Variants in RIT2 observed in about 807,000 individuals in gnomAD.
The protein encoded by RIT2 is GTP-binding protein Rit2.
RIT2 carries 24 observed loss-of-function variants against 23.7 expected under a neutral mutation model. That is an observed-to-expected ratio of 1.01 (90% CI 0.73 to 1.43). RIT2 has a LOEUF of 1.43. RIT2 is among the 40% of genes most tolerant of loss of function. The pLI, the probability that RIT2 is intolerant of heterozygous loss-of-function variation, is 0.00. For synonymous variants in RIT2, 107 were observed against 91.1 expected, an observed-to-expected ratio of 1.17 and a Z score of -0.99; for missense variants, 236 against 266.9, an observed-to-expected ratio of 0.88 and a Z score of 0.81.
At chr18:43,069,363 G>A (rs573382576) in intron 1 of RIT2, among the ~76,000 whole-genome samples, 54 of 152,128 alleles carry the variant, frequency 3.5e-4, no homozygotes, top group African/African-American at 1.3e-3. Context: ...CTGTGGACTC[G>A]CTCTGAATTC....
At chr18:43,066,831 G>A (rs1369630903) in intron 1 of RIT2, among the ~76,000 whole-genome samples, 1 of 151,746 alleles carries the variant, frequency 6.6e-6, no homozygotes, top group Non-Finnish European at 1.5e-5. Flanking sequence ...AGAAAGGACA[G>A]CATGGATCAA....
At chr18:43,098,732 A>G (rs1598783500) in intron 1 of RIT2, among the ~76,000 whole-genome samples, 1 of 152,154 alleles carries the variant, frequency 6.6e-6, no homozygotes, top group Non-Finnish European at 1.5e-5. Context: ...TTGGAAGGCC[A>G]CTGTACTATC....
chr18:42,826,700 G>T (rs1214000282), intron 4 of RIT2, among the ~76,000 whole-genome samples: 1 of 152,060 alleles, frequency 6.6e-6, no homozygotes, highest in Non-Finnish European at 1.5e-5. Flanking sequence ...CTGACAATTT[G>T]ATATCTACAT....
intron 4 of RIT2, among the ~76,000 whole-genome samples, chr18:42,784,921 G>A (rs1037903274): frequency 2.0e-5 from 3 of 151,872 alleles, no homozygotes; most frequent in African/African-American, 7.3e-5. Flanking sequence ...ATTGATCAAA[G>A]GTAAGGGATT....
At chr18:42,875,275 C>G (rs1907715572) in intron 4 of RIT2, among the ~76,000 whole-genome samples, 1 of 151,500 alleles carries the variant, frequency 6.6e-6, no homozygotes, top group South Asian at 2.1e-4. Context: ...TGACTTTACC[C>G]CTCGGGCAAG....
intron 4 of RIT2, among the ~76,000 whole-genome samples, chr18:42,866,238 G>A (rs1907466499): frequency 2.0e-5 from 3 of 152,084 alleles, no homozygotes; most frequent in Non-Finnish European, 4.4e-5. Flanking sequence ...TAATGCACAT[G>A]TCTTGTTATC....
intron 4 of RIT2, among the ~76,000 whole-genome samples, chr18:42,875,434 T>G (rs574094094): frequency 1.4e-4 from 21 of 151,994 alleles, no homozygotes; most frequent in Admixed American, 5.3e-4. Context: ...CATATTGTAA[T>G]GTACTAGTAA....
intron 4 of RIT2, among the ~76,000 whole-genome samples, chr18:42,786,541 T>C (rs1171166015): frequency 6.6e-6 from 1 of 152,206 alleles, no homozygotes; most frequent in Admixed American, 6.5e-5. Flanking sequence ...TATACTTACT[T>C]AAATGGCTTT....
intron 3 of RIT2, among the ~76,000 whole-genome samples, chr18:42,924,708 G>A (rs932091869): frequency 6.6e-6 from 1 of 151,940 alleles, no homozygotes; most frequent in African/African-American, 2.4e-5. Context: ...AATTTTAGGT[G>A]GGTTTTAACT....
intron 4 of RIT2, among the ~76,000 whole-genome samples, chr18:42,922,551 G>A (rs1909079283): frequency 6.6e-6 from 1 of 152,112 alleles, no homozygotes; most frequent in South Asian, 2.1e-4. Context: ...TACAATGTGA[G>A]TCATGGGAAT....
At chr18:42,825,101 T>C (rs1333626098) in intron 4 of RIT2, among the ~76,000 whole-genome samples, 2 of 151,938 alleles carry the variant, frequency 1.3e-5, no homozygotes, top group African/African-American at 4.8e-5. Flanking sequence ...GTCAAACTTA[T>C]GTTATTTAAT....
chr18:42,901,248 T>A (rs116539945), intron 4 of RIT2, among the ~76,000 whole-genome samples: 267 of 152,162 alleles, frequency 1.8e-3, no homozygotes, highest in African/African-American at 6.0e-3. Context: ...ATAAAGCAGT[T>A]CTGCCAATGT....
chr18:42,937,545 C>T (rs887256286), intron 3 of RIT2, among the ~76,000 whole-genome samples: 2 of 152,080 alleles, frequency 1.3e-5, no homozygotes, highest in African/African-American at 4.8e-5. Context: ...TTCCTATTTC[C>T]TATTATTTAA....
At chr18:43,112,344 T>C (rs1913971829) in intron 1 of RIT2, among the ~76,000 whole-genome samples, 1 of 152,172 alleles carries the variant, frequency 6.6e-6, no homozygotes, top group South Asian at 2.1e-4. Flanking sequence ...TGGTTAGGAC[T>C]GAGTATAAGC....
At chr18:42,833,971 T>A (rs908453212) in intron 4 of RIT2, among the ~76,000 whole-genome samples, 3 of 152,170 alleles carry the variant, frequency 2.0e-5, no homozygotes, top group African/African-American at 7.2e-5. Flanking sequence ...CTAGGTATGG[T>A]GCTATTGATT....
intron 4 of RIT2, among the ~76,000 whole-genome samples, chr18:42,757,234 A>G (rs1913184839): frequency 6.6e-6 from 1 of 152,218 alleles, no homozygotes; most frequent in Non-Finnish European, 1.5e-5. Flanking sequence ...TCATTAACAT[A>G]TCTGTGCAAT....
intron 2 of RIT2, among the ~76,000 whole-genome samples, chr18:43,021,461 T>C (rs1313769576): frequency 6.6e-6 from 1 of 151,986 alleles, no homozygotes; most frequent in Non-Finnish European, 1.5e-5. Context: ...AGTGATATGG[T>C]TTGGATTTAT....
At chr18:42,801,726 C>T (rs1905544618) in intron 4 of RIT2, among the ~76,000 whole-genome samples, 1 of 152,196 alleles carries the variant, frequency 6.6e-6, no homozygotes, top group African/African-American at 2.4e-5. Context: ...GTACCAATTA[C>T]TGATGACTGT....
intron 4 of RIT2, among the ~76,000 whole-genome samples, chr18:42,853,867 A>C (rs535263129): frequency 1.3e-4 from 20 of 152,294 alleles, no homozygotes; most frequent in Admixed American, 1.1e-3. Context: ...TTTAGAAAAA[A>C]ACTCTGGGTT....
Sources: allele counts gnomAD v4.1 joint callset (sites outside exome capture counted in the v4.1 genomes callset), GRCh38; gene constraint gnomAD v4.1.1; transcripts MANE v1.5; gene names NCBI Gene and HGNC (gene_info 2026-07-23, HGNC 2026-07-21).